GARIN1B: variants seen among roughly 807,000 people sequenced by gnomAD.
The protein encoded by GARIN1B is Golgi-associated RAB2 interactor protein 1B.
the GARIN1B span, chr7:128,716,873 G>T: frequency 1.9e-5 from 31 of 1,613,948 alleles, no homozygotes; most frequent in African/African-American, 3.3e-4. Context: ...GGCCCTGGGG[G>T]TGACCTCCTC....
the GARIN1B span, chr7:128,716,748 C>T: frequency 7.1e-7 from 1 of 1,411,912 alleles, no homozygotes; most frequent in Non-Finnish European, 9.7e-7. Flanking sequence ...GTTGAGAAAC[C>T]CTGGGCTGAA....
chr7:128,723,465 C>A, the GARIN1B span: 1 of 941,134 alleles, frequency 1.1e-6, no homozygotes, highest in Non-Finnish European at 1.5e-6. Flanking sequence ...GTATTCCCGG[C>A]ACTTTGGGAG....
chr7:128,726,011 T>G, the GARIN1B span, among the ~76,000 whole-genome samples: 1 of 152,154 alleles, frequency 6.6e-6, no homozygotes, highest in East Asian at 1.9e-4. Context: ...GGTGCAAGGC[T>G]GAGGCTTCCA....
the GARIN1B span, among the ~76,000 whole-genome samples, chr7:128,709,972 C>T: frequency 6.6e-6 from 1 of 151,856 alleles, no homozygotes; most frequent in Admixed American, 6.6e-5. Flanking sequence ...AGGCTGGTCT[C>T]GAACTCCTAA....
the GARIN1B span, chr7:128,714,051 T>C: frequency 9.1e-6 from 14 of 1,535,552 alleles, no homozygotes; most frequent in Non-Finnish European, 1.2e-5. Flanking sequence ...GGAAGTTGGT[T>C]TACTGAGCCA....
chr7:128,713,786 A>G, the GARIN1B span: 110,811 of 410,064 alleles, frequency 0.27, 17,207 homozygotes, highest in East Asian at 0.6. Flanking sequence ...TGACTCTTGG[A>G]TGTCTCAGTG....
the GARIN1B span, among the ~76,000 whole-genome samples, chr7:128,720,364 A>G: frequency 6.6e-6 from 1 of 151,812 alleles, no homozygotes; most frequent in African/African-American, 2.4e-5. Flanking sequence ...ACACTCAACT[A>G]ATTTTTGTAT....
chr7:128,709,897 G>A, the GARIN1B span, among the ~76,000 whole-genome samples: 1,465 of 151,960 alleles, frequency 9.6e-3, 21 homozygotes, highest in African/African-American at 0.034. Flanking sequence ...GATTACAGGC[G>A]TGTGCCACCA....
the GARIN1B span, among the ~76,000 whole-genome samples, chr7:128,717,760 T>G: frequency 2.4e-5 from 1 of 41,792 alleles, no homozygotes; most frequent in South Asian, 7.4e-4. Flanking sequence ...TTTTTTTTGT[T>G]TTTTTTTTTT....
chr7:128,714,042 G>C, the GARIN1B span: 5 of 1,535,312 alleles, frequency 3.3e-6, no homozygotes, highest in Non-Finnish European at 4.4e-6. Context: ...AGTGAGGTTG[G>C]AAGTTGGTTT....
the GARIN1B span, chr7:128,715,388 G>C: frequency 6.3e-7 from 1 of 1,589,672 alleles, no homozygotes; most frequent in Non-Finnish European, 8.6e-7. Context: ...AGGCCAGGAG[G>C]GGAGACAGAG....
chr7:128,722,513 A>T, the GARIN1B span, among the ~76,000 whole-genome samples: 1 of 152,204 alleles, frequency 6.6e-6, no homozygotes, highest in South Asian at 2.1e-4. Flanking sequence ...TAAGTTTTAA[A>T]ACACCAATTA....
chr7:128,716,820 G>A, the GARIN1B span: 1 of 1,607,282 alleles, frequency 6.2e-7, no homozygotes, highest in Non-Finnish European at 8.5e-7. Context: ...CAGGTCAAAA[G>A]GGGCAGGAAT....
chr7:128,709,750 C>CTTTTTT, the GARIN1B span, among the ~76,000 whole-genome samples: 19 of 114,616 alleles, frequency 1.7e-4, 1 homozygote, highest in East Asian at 1.7e-3. Context: ...CTCTCTCTCT[C>CTTTTTT]TTTTTTTTTT....
chr7:128,715,184 C>T, the GARIN1B span: 16 of 930,578 alleles, frequency 1.7e-5, no homozygotes, highest in Admixed American at 1.2e-4. Context: ...CAGCAAGTTC[C>T]GGGAGGACTA....
At chr7:128,723,764 G>C in the GARIN1B span, among the ~76,000 whole-genome samples, 2 of 151,350 alleles carry the variant, frequency 1.3e-5, no homozygotes, top group East Asian at 3.9e-4. Context: ...TGCCCGCCTC[G>C]GCCTCCCAAA....
At chr7:128,713,912 T>A in the GARIN1B span, 2 of 1,334,948 alleles carry the variant, frequency 1.5e-6, no homozygotes, top group Non-Finnish European at 2.1e-6. Context: ...TGCTGTGTGT[T>A]CCCTTTCTAG....
At chr7:128,713,288 C>T in the GARIN1B span, among the ~76,000 whole-genome samples, 1 of 152,050 alleles carries the variant, frequency 6.6e-6, no homozygotes, top group East Asian at 1.9e-4. Flanking sequence ...GCCTGGGCCA[C>T]AGAGTGAGAC....
chr7:128,729,998 C>T, the GARIN1B span: 31 of 1,614,188 alleles, frequency 1.9e-5, no homozygotes, highest in Non-Finnish European at 2.6e-5. Context: ...GAGAACCCCT[C>T]CGGCCTGCAG....
Sources: allele counts gnomAD v4.1 joint callset (sites outside exome capture counted in the v4.1 genomes callset), GRCh38; gene constraint gnomAD v4.1.1; transcripts MANE v1.5; gene names NCBI Gene and HGNC (gene_info 2026-07-23, HGNC 2026-07-21).